MYBL1: variants seen among roughly 807,000 people sequenced by gnomAD.
MYBL1 encodes the protein MYB proto-oncogene like 1, also known as myb-related protein A.
In MYBL1, 17 loss-of-function variants were observed where a neutral mutation model predicts 96.3. The ratio of observed to expected loss-of-function variants is 0.18; its 90% confidence interval spans 0.12 to 0.26. The LOEUF (loss-of-function observed/expected upper bound fraction) is 0.26. Ranked by LOEUF, MYBL1 falls within the 10% of genes least tolerant of loss-of-function variation. The pLI is 1.00. For missense variants in MYBL1, 701 were observed against 882.9 expected, an observed-to-expected ratio of 0.79 and a Z score of 2.61; for synonymous variants, 282 against 292.7, an observed-to-expected ratio of 0.96 and a Z score of 0.37.
At chr8:66,591,930 C>G (rs1017237590) in intron 8 of MYBL1, among the ~76,000 whole-genome samples, 1 of 151,850 alleles carries the variant, frequency 6.6e-6, no homozygotes, top group Non-Finnish European at 1.5e-5. Flanking sequence ...TATCCTAATA[C>G]AGAACATTGT....
At chr8:66,581,012 C>T (rs1809190240) in intron 8 of MYBL1, among the ~76,000 whole-genome samples, 1 of 152,024 alleles carries the variant, frequency 6.6e-6, no homozygotes, top group Non-Finnish European at 1.5e-5. Context: ...AGGTACCCAT[C>T]ACCACACCCG....
At chr8:66,576,417 T>G (rs770624045) in intron 9 of MYBL1, 42 bp from the exon 10 acceptor site, 32 of 1,537,836 alleles carry the variant, frequency 2.1e-5, no homozygotes, top group Non-Finnish European at 2.6e-5. Context: ...TGCTGTAACC[T>G]AGTTAAATCT....
chr8:66,566,489 CA>C (rs1808507887), intron 14 of MYBL1, among the ~76,000 whole-genome samples, 194 bp downstream of exon 14: 4 of 151,906 alleles, frequency 2.6e-5, no homozygotes, highest in Admixed American at 2.6e-4. Context: ...CCTCTCATAA[CA>C]AAAGAAATAT....
intron 5 of MYBL1, among the ~76,000 whole-genome samples, chr8:66,597,106 T>TA (rs1168067182): frequency 6.6e-6 from 1 of 152,196 alleles, no homozygotes; most frequent in Non-Finnish European, 1.5e-5. Context: ...TCTATCATTT[T>TA]ATTGTACAAA....
In MYBL1 at chr8:66,575,699, A is replaced by C. The variant is rs182750483; in HGVS notation, c.1470+308T>G. Among the ~76,000 whole-genome samples, 447 of 152,210 alleles carry C rather than the reference A, an allele frequency of 2.9e-3. 1 individual carries two copies. Among genetic ancestry groups the C allele is most frequent in the Admixed American group, 3.3e-3 (50 of 15,284 alleles). ...AGGCTACTTGGGGGGCTGAGGCGGG[A>C]AGATCACTTGAGCCTCGGTGGTTGA... On this transcript the variant is annotated intron_variant, in intron 10 of 15. Transcript: ENST00000522677.
intron 1 of MYBL1, among the ~76,000 whole-genome samples, chr8:66,602,844 C>A (rs1384425242): frequency 6.8e-6 from 1 of 146,808 alleles, no homozygotes; most frequent in East Asian, 2.1e-4. Flanking sequence ...CTCCCAGGTT[C>A]ACGCCATTCT....
chr8:66,594,334 C>T (rs1809769251), intron 6 of MYBL1, among the ~76,000 whole-genome samples: 1 of 151,996 alleles, frequency 6.6e-6, no homozygotes, highest in Admixed American at 6.6e-5. Flanking sequence ...CGTATCTTTC[C>T]CAAACTTTTC....
chr8:66,600,914 T>G (rs980720950), intron 3 of MYBL1, among the ~76,000 whole-genome samples: 1 of 152,122 alleles, frequency 6.6e-6, no homozygotes, highest in African/African-American at 2.4e-5. Context: ...CTCACGCCTG[T>G]AATCCCAGCA....
intron 1 of MYBL1, among the ~76,000 whole-genome samples, chr8:66,603,543 T>G (rs1334332900): frequency 6.6e-6 from 1 of 151,402 alleles, no homozygotes; most frequent in Non-Finnish European, 1.5e-5. Context: ...CAGGCTGGAG[T>G]GCAGTGGCAC....
chr8:66,594,141 A>G (rs1477122399), intron 6 of MYBL1, among the ~76,000 whole-genome samples: 1 of 145,930 alleles, frequency 6.9e-6, no homozygotes, highest in Non-Finnish European at 1.5e-5. Flanking sequence ...TCTCAAAAAG[A>G]AAAAAAAAAA....
rs1809824798 is a variant in MYBL1 at position 66,595,696 on chromosome 8, C to T, written c.574G>A (p.Gly192Ser). The T allele has an allele frequency of 1.3e-6, 2 of 1,579,784 alleles. No individual in the cohort carries two copies. The highest frequency in any genetic ancestry group is 2.3e-5 in the South Asian group (2 of 86,376). The change falls in exon 6 of 16, where the codon GGC (glycine) becomes AGC (serine). Residue 192 changes from glycine (G) to serine (S), a missense_variant. Gly to Ser is a moderately conservative substitution (Grantham distance 56). Coordinates refer to ENST00000522677, the MANE Select transcript of MYBL1 (RefSeq NM_001080416.4). ...GATTTTATTCCATCTTGTAAATAGC[C>T]CTCCTGTTCCACTTTTCTTCGCATA... ...STMRRKVEQEGYLQDGIKSER... is the reference protein window; with the variant it reads ...STMRRKVEQESYLQDGIKSER...
chr8:66,609,530 G>C lies in MYBL1; in HGVS notation c.20+3289C>G, dbSNP rs573831637. ...TAATAAAGTGAAATTAGGCCACCCA[G>C]TGGTTAATATATGTACTGCATACAT... On this transcript the variant is annotated intron_variant, in intron 1 of 15. Transcript: ENST00000522677. 3.2e-3 allele frequency among the ~76,000 whole-genome samples: 483 copies of C among 152,034 alleles called. 3 individuals are homozygous for C. The highest frequency in any genetic ancestry group is 0.011 in the African/African-American group (444 of 41,506).
At chr8:66,579,294 G>A (rs1809104779) in intron 9 of MYBL1, among the ~76,000 whole-genome samples, 1 of 151,496 alleles carries the variant, frequency 6.6e-6, no homozygotes, top group African/African-American at 2.4e-5. Flanking sequence ...CTACCTAAAT[G>A]TCCAATAATA....
chr8:66,590,336 G>C (rs1586581062), intron 8 of MYBL1, among the ~76,000 whole-genome samples: 1 of 152,114 alleles, frequency 6.6e-6, no homozygotes, highest in South Asian at 2.1e-4. Context: ...ATGTAAAAAG[G>C]GGCAAGGAAT....
intron 8 of MYBL1, among the ~76,000 whole-genome samples, chr8:66,589,873 C>T: frequency 6.6e-6 from 1 of 152,130 alleles, no homozygotes. Context: ...AGTTTCAAAA[C>T]AGAAACTGCA....
At chr8:66,611,268 GTTA>G (rs1234559356) in intron 1 of MYBL1, among the ~76,000 whole-genome samples, 1 of 152,040 alleles carries the variant, frequency 6.6e-6, no homozygotes, top group Admixed American at 6.6e-5. Context: ...TAATAAACTT[GTTA>G]TTGAGTTAAC....
At chr8:66,592,697 C>T (rs1372353894) in intron 7 of MYBL1, among the ~76,000 whole-genome samples, 153 bp from the exon 8 acceptor site, 1 of 151,878 alleles carries the variant, frequency 6.6e-6, no homozygotes, top group African/African-American at 2.4e-5. Flanking sequence ...TATCACAATC[C>T]CTCTGGTATC....
At chr8:66,567,024 C>A in intron 12 of MYBL1, 32 bp from the exon 13 acceptor site, 1 of 1,425,344 alleles carries the variant, frequency 7.0e-7, no homozygotes, top group South Asian at 1.2e-5. Flanking sequence ...TGTAAAAAGT[C>A]ATTTATAGCA....
chr8:66,578,404 T>A (rs1008247149), intron 9 of MYBL1, among the ~76,000 whole-genome samples: 1 of 151,890 alleles, frequency 6.6e-6, no homozygotes. Flanking sequence ...AACAACCCTA[T>A]CAAAAAGTGG....
Sources: allele counts gnomAD v4.1 joint callset (sites outside exome capture counted in the v4.1 genomes callset), GRCh38; gene constraint gnomAD v4.1.1; transcripts MANE v1.5; gene names NCBI Gene and HGNC (gene_info 2026-07-23, HGNC 2026-07-21).